Variants in SDK1 observed in about 807,000 individuals in gnomAD.
SDK1 encodes the protein protein sidekick-1.
In SDK1, 157 loss-of-function variants were observed where a neutral mutation model predicts 245.5. The observed-to-expected ratio is 0.64, with a 90% confidence interval of 0.56 to 0.73. The LOEUF is 0.73. Among genes scored for constraint, SDK1 ranks in the 30% least tolerant of loss-of-function variants. The probability of loss-of-function intolerance (pLI) is 0.00; values close to 1 mark genes in which losing one functional copy is unlikely to be tolerated. For synonymous variants in SDK1, 1,647 were observed against 1,278.5 expected (o/e 1.29, Z -6.15); for missense variants, 3,583 against 3,002.3 (o/e 1.19, Z -4.52).
chr7:3,655,484 T>C lies in SDK1; in HGVS notation c.713+13379T>C, dbSNP rs1327831185. ...ATATATATATATATATATATATATATATATATATATATATATATATGTATG... is the reference window on the plus strand; with the variant it reads ...ATATATATATATATATATATATATACATATATATATATATATATATGTATG... On this transcript the variant is annotated intron_variant, in intron 4 of 44. Coordinates refer to ENST00000404826, the MANE Select transcript of SDK1 (RefSeq NM_152744.4). Among the ~76,000 whole-genome samples, 357 of 90,694 alleles carry C rather than the reference T, an allele frequency of 3.9e-3. 21 individuals carry two copies. The highest frequency in any genetic ancestry group is 0.027 in the South Asian group (79 of 2,958). The allele number at this position is 90,694 out of a possible 152,430, so 59.5% of individuals were successfully genotyped here.
At chr7:3,582,724 T>C (rs1170194927) in intron 1 of SDK1, among the ~76,000 whole-genome samples, 2 of 133,070 alleles carry the variant, frequency 1.5e-5, no homozygotes, top group Admixed American at 1.4e-4. Flanking sequence ...CCATCAGGGC[T>C]AGTCTGAGAC....
intron 1 of SDK1, among the ~76,000 whole-genome samples, chr7:3,521,368 G>A (rs1425967972): frequency 6.6e-6 from 1 of 152,148 alleles, no homozygotes; most frequent in African/African-American, 2.4e-5. Context: ...GGGTTCCAGG[G>A]ATCCGGAACA....
intron 1 of SDK1, among the ~76,000 whole-genome samples, chr7:3,596,328 C>G (rs112502031): frequency 6.6e-6 from 1 of 152,152 alleles, no homozygotes; most frequent in Non-Finnish European, 1.5e-5. Context: ...GAGAGTAAGT[C>G]TGACAGTGCC....
intron 5 of SDK1, among the ~76,000 whole-genome samples, chr7:3,895,072 A>G (rs1236784327): frequency 6.6e-6 from 1 of 152,162 alleles, no homozygotes; most frequent in African/African-American, 2.4e-5. Context: ...GCTTTTACTC[A>G]ATATGGTAAA....
chr7:3,554,750 C>T (rs898259298), intron 1 of SDK1, among the ~76,000 whole-genome samples: 4 of 151,970 alleles, frequency 2.6e-5, no homozygotes, highest in Non-Finnish European at 5.9e-5. Context: ...TTGCTGAATA[C>T]AAAATTAACA....
At chr7:3,491,514 G>A (rs2141819) in intron 1 of SDK1, among the ~76,000 whole-genome samples, 54,640 of 152,094 alleles carry the variant, frequency 0.36, 10,176 homozygotes, top group African/African-American at 0.46. Flanking sequence ...ATTAAAGATT[G>A]GAGCATTTCT....
At position 3,418,835 on chromosome 7, in the gene SDK1, G is replaced by GT. The variant is rs201645336; in HGVS notation, c.298+116951_298+116952insT. On this transcript the variant is annotated intron_variant, in intron 1 of 44. Transcript: ENST00000404826. ...ATACAGTCGTCCCTCATTGTACACC[G>GT]GGATCTCCCCTACCCCTCGCCTATG... Among the ~76,000 whole-genome samples the GT allele has an allele frequency of 5.2e-3, 796 of 152,180 alleles. 5 individuals carry two copies. Among genetic ancestry groups the GT allele is most frequent in the African/African-American group, 0.018 (767 of 41,512 alleles).
At chr7:3,970,590 A>G (rs1051575005) in intron 11 of SDK1, among the ~76,000 whole-genome samples, 2 of 152,238 alleles carry the variant, frequency 1.3e-5, no homozygotes, top group Non-Finnish European at 2.9e-5. Flanking sequence ...AAAAAGTGGT[A>G]TCTGAATCTC....
chr7:4,165,214 C>T (rs1464341111), intron 32 of SDK1, among the ~76,000 whole-genome samples: 2 of 151,972 alleles, frequency 1.3e-5, no homozygotes, highest in Non-Finnish European at 2.9e-5. Flanking sequence ...CAAAAATTAG[C>T]CGGGCGTGGT....
At chr7:3,318,656 G>A (rs1296431121) in intron 1 of SDK1, among the ~76,000 whole-genome samples, 1 of 152,038 alleles carries the variant, frequency 6.6e-6, no homozygotes, top group Non-Finnish European at 1.5e-5. Flanking sequence ...CTTACCTCCT[G>A]AACTTATCCC....
At chr7:3,843,093 G>A (rs1385956953) in intron 5 of SDK1, among the ~76,000 whole-genome samples, 7 of 152,118 alleles carry the variant, frequency 4.6e-5, no homozygotes, top group Non-Finnish European at 7.3e-5. Flanking sequence ...GAATGTCAGC[G>A]GCTCAGGGCA....
chr7:3,621,156 T>G (rs1457304457), intron 2 of SDK1, among the ~76,000 whole-genome samples: 1 of 152,142 alleles, frequency 6.6e-6, no homozygotes, highest in African/African-American at 2.4e-5. Flanking sequence ...CATTATACAT[T>G]ATTACCATGT....
rs1404605128 is a variant in SDK1, at chr7:4,266,297, G to T, written c.*913G>T. On this transcript the variant is annotated 3_prime_UTR_variant, in exon 45 of 45. Transcript: ENST00000404826. ...TTTTTTAAACTATGTCACATGAAAT[G>T]AATGCGTCTTTGCTGTCTCCAGGTG... The T allele has an allele frequency of 2.0e-6, 2 of 985,302 alleles. No homozygotes were observed. Among genetic ancestry groups the T allele is most frequent in the Non-Finnish European group, 2.4e-6 (2 of 829,914 alleles). 61.0% of individuals were successfully genotyped at this position (985,302 alleles called of 1,614,324 possible).
chr7:3,600,877 A>G (rs531917586), intron 1 of SDK1, among the ~76,000 whole-genome samples: 4 of 152,274 alleles, frequency 2.6e-5, no homozygotes, highest in African/African-American at 4.8e-5. Context: ...TGATTTTTAA[A>G]TAAGATTGAC....
intron 5 of SDK1, among the ~76,000 whole-genome samples, chr7:3,943,593 A>G (rs948322652): frequency 2.7e-5 from 4 of 150,500 alleles, no homozygotes; most frequent in African/African-American, 4.9e-5. Flanking sequence ...GCTCTTGCTC[A>G]TTCGACCGCT....
chr7:3,389,980 G>C (rs540492683), intron 1 of SDK1, among the ~76,000 whole-genome samples: 5 of 152,148 alleles, frequency 3.3e-5, no homozygotes, highest in Admixed American at 6.5e-5. Flanking sequence ...AAATGAGCTT[G>C]TTATTGGTAA....
intron 33 of SDK1, among the ~76,000 whole-genome samples, chr7:4,175,410 G>A (rs766267808): frequency 9.9e-5 from 15 of 152,238 alleles, no homozygotes; most frequent in Non-Finnish European, 2.1e-4. Context: ...CTCCAGCCGG[G>A]GCTCCCTGCG....
In SDK1 at chr7:3,608,353, C is replaced by T. The variant is rs1256016589; in HGVS notation, c.299-10727C>T. On this transcript the variant is annotated intron_variant, in intron 1 of 44. Transcript: ENST00000404826. Reference sequence around the variant, plus strand: ...GGGAGTTGAACTGGCTGCTTTTTTGCATGGCACCCCATTTTTACTTGAAGT... The same window carrying T: ...GGGAGTTGAACTGGCTGCTTTTTTGTATGGCACCCCATTTTTACTTGAAGT... 4.6e-5 allele frequency among the ~76,000 whole-genome samples: 7 copies of T among 152,242 alleles called. No individual in the cohort carries two copies. The East Asian group carries it at 9.7e-4, about 21-fold the overall frequency.
chr7:3,596,633 G>T lies in SDK1; in HGVS notation c.299-22447G>T, dbSNP rs193174495. On this transcript the variant is annotated intron_variant, in intron 1 of 44. Transcript: ENST00000404826. ...TTAATCTCCATCCCTGTAGGCAGTC[G>T]TTTTTCTGATTTCTTTTCAAATAGA... is the stretch of plus-strand genomic sequence containing the variant. Among the ~76,000 whole-genome samples, 141 of 152,202 alleles carry T rather than the reference G, an allele frequency of 9.3e-4. 1 individual carries two copies. The highest frequency in any genetic ancestry group is 3.1e-3 in the Admixed American group (47 of 15,286).
Sources: gnomAD v4.1 joint callset for allele counts (sites outside exome capture counted in the v4.1 genomes callset) on GRCh38, gnomAD v4.1.1 for gene constraint, MANE v1.5 for transcripts, NCBI Gene and HGNC (gene_info 2026-07-23, HGNC 2026-07-21) for gene names.